The following RASGRF2 variants were observed in gnomAD, a reference collection of about 807,000 sequenced individuals.
The protein encoded by RASGRF2 is Ras protein specific guanine nucleotide releasing factor 2, also known as ras-specific guanine nucleotide-releasing factor 2.
RASGRF2 carries 76 observed loss-of-function variants against 151.0 expected under a neutral mutation model. The ratio of observed to expected loss-of-function variants is 0.50; its 90% CI spans 0.42 to 0.61. RASGRF2 has a LOEUF of 0.61. Among genes scored for constraint, RASGRF2 ranks in the 20% least tolerant of loss-of-function variants. The pLI is 0.00. For missense variants in RASGRF2, 1,148 were observed against 1,564.6 expected (o/e 0.73, Z 4.49); for synonymous variants, 504 against 566.5 (o/e 0.89, Z 1.57).
intron 1 of RASGRF2, among the ~76,000 whole-genome samples, chr5:80,990,219 T>G (rs1174640023): frequency 2.8e-5 from 2 of 70,974 alleles, no homozygotes; most frequent in East Asian, 4.1e-4. Context: ...CTGCCAGATG[T>G]TTTTTTTTTT....
chr5:81,225,844 T>A lies in RASGRF2; in HGVS notation c.*74T>A, dbSNP rs1755968944. The A allele has an allele frequency of 6.6e-7, 1 of 1,512,314 alleles. No individual in the cohort carries two copies. The highest frequency in any genetic ancestry group is 2.1e-5 in the Admixed American group (1 of 48,160). The allele number at this position is 1,512,314 out of a possible 1,614,324, so 93.7% of individuals were successfully genotyped here. On this transcript the variant is annotated 3_prime_UTR_variant, in exon 27 of 27. Coordinates refer to ENST00000265080, the MANE Select transcript of RASGRF2 (RefSeq NM_006909.3). ...CAGACAGAATTGTGTATGCCTTGCC[T>A]ATCACGGTACAGCACGAAGCCAGGC...
At chr5:81,073,068 G>C in intron 4 of RASGRF2, 131 bp from the exon 5 acceptor site, 1 of 1,137,166 alleles carries the variant, frequency 8.8e-7, no homozygotes, top group Non-Finnish European at 1.2e-6. Flanking sequence ...TCATCCCTAG[G>C]GAATCCTTAT....
intron 10 of RASGRF2, among the ~76,000 whole-genome samples, chr5:81,093,971 C>T (rs1346624639): frequency 6.6e-6 from 1 of 152,136 alleles, no homozygotes; most frequent in Non-Finnish European, 1.5e-5. Flanking sequence ...TAAGCCACTT[C>T]CTGGTTGGTG....
At position 81,220,643 on chromosome 5, in the gene RASGRF2, G is replaced by C. The variant is rs189875951; in HGVS notation, c.3621+865G>C. Among the ~76,000 whole-genome samples the C allele has an allele frequency of 2.8e-3, 419 of 152,182 alleles. 1 individual carries two copies. Among genetic ancestry groups the C allele is most frequent in the Admixed American group, 5.0e-3 (76 of 15,294 alleles). On this transcript the variant is annotated intron_variant, in intron 26 of 26. Coordinates refer to ENST00000265080, the MANE Select transcript of RASGRF2 (RefSeq NM_006909.3). ...CGCCACCACGCCTGGCTAGTTTTTT[G>C]TATTTTAGTAGAGACGGGGTTTCAC... is the stretch of plus-strand genomic sequence containing the variant.
rs1264887942 is a variant in RASGRF2, at chr5:81,180,233, C to A, written c.2745C>A (p.Thr915=). 2 of 1,612,838 alleles carry A rather than the reference C, an allele frequency of 1.2e-6. No individual in the cohort carries two copies. Among genetic ancestry groups the A allele is most frequent in the Non-Finnish European group, 1.7e-6 (2 of 1,179,248 alleles). ...AGTTTATTATACGGAGAACGGCTACCAATCGAGTTCTGAACGTCCTCCGTC... is the reference window on the plus strand; with the variant it reads ...AGTTTATTATACGGAGAACGGCTACAAATCGAGTTCTGAACGTCCTCCGTC... The part of the protein sequence containing the change: ...DKEFIIRRTA[T]NRVLNVLRHW... The change falls in exon 18 of 27, where the codon ACC becomes ACA. Residue 915 remains threonine, a synonymous_variant. Coordinates refer to ENST00000265080, the MANE Select transcript of RASGRF2 (RefSeq NM_006909.3).
chr5:81,228,514 C>G lies in RASGRF2; in HGVS notation c.*2744C>G, dbSNP rs558154548. 18 of 152,260 alleles carry G rather than the reference C, an allele frequency of 1.2e-4. No individual in the cohort carries two copies. The South Asian group carries it at 3.5e-3, about 30-fold the overall frequency. The allele number at this position is 152,260 out of a possible 1,614,324, so 9.4% of individuals were successfully genotyped here. ...TCTGCCTCTAGTCCATTATGGAGAC[C>G]CATTTCTAAGAGGAGATGGGAGGTC... On this transcript the variant is annotated 3_prime_UTR_variant, in exon 27 of 27. Coordinates refer to ENST00000265080, the MANE Select transcript of RASGRF2 (RefSeq NM_006909.3).
intron 15 of RASGRF2, among the ~76,000 whole-genome samples, chr5:81,115,109 G>A (rs1753115758): frequency 6.6e-6 from 1 of 152,174 alleles, no homozygotes; most frequent in African/African-American, 2.4e-5. Flanking sequence ...CAGACAAAGT[G>A]TCCAATTTCA....
intron 9 of RASGRF2, among the ~76,000 whole-genome samples, chr5:81,089,272 TC>T (rs1193133332): frequency 1.3e-5 from 2 of 152,226 alleles, no homozygotes; most frequent in African/African-American, 2.4e-5. Flanking sequence ...ACAATTTATC[TC>T]TAAAGGTGTA....
At chr5:81,131,342 G>A (rs1753611952) in intron 17 of RASGRF2, among the ~76,000 whole-genome samples, 1 of 152,038 alleles carries the variant, frequency 6.6e-6, no homozygotes, top group African/African-American at 2.4e-5. Context: ...GACTGGAAAA[G>A]CCTGGTTTTC....
chr5:81,065,251 C>G (rs1751566475), intron 2 of RASGRF2, among the ~76,000 whole-genome samples: 1 of 152,200 alleles, frequency 6.6e-6, no homozygotes, highest in African/African-American at 2.4e-5. Flanking sequence ...GTAAAATACA[C>G]TGTATTCATT....
intron 1 of RASGRF2, among the ~76,000 whole-genome samples, chr5:81,031,985 A>G (rs1750270507): frequency 6.6e-6 from 1 of 152,224 alleles, no homozygotes. Flanking sequence ...CCGATCCCAC[A>G]GAAATACACA....
chr5:81,190,068 T>C (rs777020128), intron 18 of RASGRF2, among the ~76,000 whole-genome samples: 11 of 152,188 alleles, frequency 7.2e-5, no homozygotes, highest in Admixed American at 1.3e-4. Flanking sequence ...CACTTCTAGC[T>C]GTCGACACTG....
chr5:81,021,678 T>G (rs1749831393), intron 1 of RASGRF2, among the ~76,000 whole-genome samples: 1 of 152,136 alleles, frequency 6.6e-6, no homozygotes, highest in African/African-American at 2.4e-5. Flanking sequence ...GTTGCTGAAG[T>G]GTGTGGCTGC....
intron 17 of RASGRF2, among the ~76,000 whole-genome samples, chr5:81,147,557 C>T (rs369645743): frequency 6.6e-6 from 1 of 152,236 alleles, no homozygotes; most frequent in South Asian, 2.1e-4. Flanking sequence ...TAACTGAAAT[C>T]GAGTAAAATA....
intron 12 of RASGRF2, among the ~76,000 whole-genome samples, chr5:81,107,196 C>CAAAAAAAAAA (rs35987554): frequency 2.1e-5 from 2 of 94,324 alleles, no homozygotes; most frequent in African/African-American, 8.4e-5. Flanking sequence ...CCTGTCTCTA[C>CAAAAAAAAAA]AAAAAAAAAA....
chr5:81,068,140 T>A lies in RASGRF2; in HGVS notation c.504T>A (p.Leu168=). 3 of 1,613,136 alleles carry A rather than the reference T, an allele frequency of 1.9e-6. No individual in the cohort carries two copies. Among genetic ancestry groups the A allele is most frequent in the Non-Finnish European group, 2.5e-6 (3 of 1,179,410 alleles). The change falls in exon 3 of 27, where the codon CTT becomes CTA. Residue 168 remains leucine (L), a synonymous_variant. Coordinates refer to ENST00000265080, the MANE Select transcript of RASGRF2 (RefSeq NM_006909.3). ...KIAANQLRHQ[L]EDQDTEIERL... is the part of the protein sequence containing the mutation. ...CAGCTAACCAACTCCGACATCAACTTGAAGATCAAGACACAGAAATCGAAA... is the reference window on the plus strand; with the variant it reads ...CAGCTAACCAACTCCGACATCAACTAGAAGATCAAGACACAGAAATCGAAA...
rs369896329 is a variant in RASGRF2 at position 80,981,984 on chromosome 5, A to T, written c.288+20958A>T. Among the ~76,000 whole-genome samples the T allele has an allele frequency of 3.9e-5, 6 of 152,356 alleles. No homozygotes were observed. The East Asian group carries it at 1.2e-3, about 29-fold the overall frequency. ...TAAATTATATTATAAAGGGAAATAC[A>T]GTTTTAACAATGAATTAATTCACTA... is the stretch of plus-strand genomic sequence containing the variant. On this transcript the variant is annotated intron_variant, in intron 1 of 26. Transcript: ENST00000265080.
chr5:81,068,390 CTTTTT>C (rs57789740), intron 3 of RASGRF2, among the ~76,000 whole-genome samples: 9 of 142,572 alleles, frequency 6.3e-5, no homozygotes, highest in Non-Finnish European at 6.1e-5. Context: ...GGATAATGTG[CTTTTT>C]TTTTTTTTTT....
chr5:81,052,706 T>C (rs1450349130), intron 2 of RASGRF2, among the ~76,000 whole-genome samples: 1 of 152,106 alleles, frequency 6.6e-6, no homozygotes, highest in Non-Finnish European at 1.5e-5. Context: ...TATGTGACAG[T>C]AATGCTGAAG....
Sources: gnomAD v4.1 joint callset for allele counts (sites outside exome capture counted in the v4.1 genomes callset) on GRCh38, gnomAD v4.1.1 for gene constraint, MANE v1.5 for transcripts, NCBI Gene and HGNC (gene_info 2026-07-23, HGNC 2026-07-21) for gene names.